Variants in INPP4B observed in about 807,000 individuals in gnomAD.
INPP4B encodes the protein inositol polyphosphate 4-phosphatase type II.
Under a neutral mutation model 122.5 loss-of-function variants are expected in INPP4B, and 55 were observed. The observed-to-expected ratio is 0.45, with a 90% CI of 0.36 to 0.56. The LOEUF (loss-of-function observed/expected upper bound fraction) is 0.56. Ranked by LOEUF, INPP4B falls within the 20% of genes least tolerant of loss-of-function variation. The pLI is 0.00. For synonymous variants in INPP4B, 403 were observed against 388.7 expected (o/e 1.04, Z -0.43); for missense variants, 1,000 against 1,097.7 (o/e 0.91, Z 1.26).
At chr4:142,106,406 GAGT>G (rs2152678542) in intron 23 of INPP4B, among the ~76,000 whole-genome samples, 1 of 152,172 alleles carries the variant, frequency 6.6e-6, no homozygotes, top group Non-Finnish European at 1.5e-5. Flanking sequence ...TCAGCGTCCT[GAGT>G]AGCTGGGATC....
chr4:142,820,837 T>C (rs539563892), intron 1 of INPP4B, among the ~76,000 whole-genome samples: 17 of 152,166 alleles, frequency 1.1e-4, no homozygotes, highest in Non-Finnish European at 1.8e-4. Flanking sequence ...CTTGCTTTTC[T>C]TGTTTGTTTT....
intron 3 of INPP4B, among the ~76,000 whole-genome samples, chr4:142,438,228 A>G (rs1259526156): frequency 6.6e-6 from 1 of 152,222 alleles, no homozygotes; most frequent in Non-Finnish European, 1.5e-5. Flanking sequence ...GAACCAAAAA[A>G]GAGCCTGTAT....
At chr4:142,386,170 C>A (rs982101885) in intron 7 of INPP4B, among the ~76,000 whole-genome samples, 4 of 152,020 alleles carry the variant, frequency 2.6e-5, no homozygotes, top group Non-Finnish European at 5.9e-5. Flanking sequence ...AACATAATGT[C>A]TTCCAGGTTC....
chr4:142,079,357 G>A (rs576842169), intron 25 of INPP4B, among the ~76,000 whole-genome samples: 3 of 151,994 alleles, frequency 2.0e-5, no homozygotes, highest in Non-Finnish European at 2.9e-5. Context: ...TCCAGAGGTG[G>A]TTCTGATGTT....
chr4:142,296,576 C>G (rs1263032497), intron 9 of INPP4B, among the ~76,000 whole-genome samples: 2 of 152,216 alleles, frequency 1.3e-5, no homozygotes, highest in Non-Finnish European at 2.9e-5. Flanking sequence ...AAGAATTTCA[C>G]ATTAGTAACT....
intron 15 of INPP4B, among the ~76,000 whole-genome samples, chr4:142,178,850 A>AAAG (rs1561392385): frequency 6.7e-6 from 1 of 149,408 alleles, no homozygotes; most frequent in Non-Finnish European, 1.5e-5. Context: ...AAAAAAAAAA[A>AAAG]TGTGGTCTCT....
At chr4:142,170,795 C>A (rs536448779) in intron 16 of INPP4B, among the ~76,000 whole-genome samples, 1 of 151,658 alleles carries the variant, frequency 6.6e-6, no homozygotes, top group Non-Finnish European at 1.5e-5. Context: ...TTCCATTTTT[C>A]TACCTTTTCT....
At chr4:142,683,851 TGGGAAA>T (rs921606276) in intron 2 of INPP4B, among the ~76,000 whole-genome samples, 2 of 152,000 alleles carry the variant, frequency 1.3e-5, no homozygotes, top group African/African-American at 4.8e-5. Flanking sequence ...ATTCTGTGCT[TGGGAAA>T]GGGAGAGAAA....
intron 25 of INPP4B, among the ~76,000 whole-genome samples, chr4:142,079,797 A>C (rs1198635944): frequency 1.3e-5 from 2 of 152,020 alleles, no homozygotes; most frequent in Non-Finnish European, 2.9e-5. Flanking sequence ...AAGATACTGC[A>C]TTTGAAACCT....
chr4:142,396,456 G>T (rs1347314001), intron 7 of INPP4B, among the ~76,000 whole-genome samples: 1 of 152,016 alleles, frequency 6.6e-6, no homozygotes, highest in South Asian at 2.1e-4. Context: ...GGAAAAGTTT[G>T]GCAATATCAT....
intron 7 of INPP4B, among the ~76,000 whole-genome samples, chr4:142,326,146 G>T (rs921038911): frequency 2.0e-5 from 3 of 152,166 alleles, no homozygotes; most frequent in Non-Finnish European, 4.4e-5. Context: ...TGAACAGTAG[G>T]CTGGGACACT....
intron 8 of INPP4B, among the ~76,000 whole-genome samples, chr4:142,312,405 C>G (rs1765853890): frequency 6.6e-6 from 1 of 152,122 alleles, no homozygotes; most frequent in African/African-American, 2.4e-5. Flanking sequence ...AAAGCTGAAG[C>G]CAAGAGGGTC....
intron 1 of INPP4B, among the ~76,000 whole-genome samples, chr4:142,784,697 G>A (rs1051093120): frequency 1.3e-5 from 2 of 152,060 alleles, no homozygotes; most frequent in African/African-American, 4.8e-5. Flanking sequence ...AACCCAAACA[G>A]GTCCTCACAG....
chr4:142,630,323 G>T (rs1043322975), intron 2 of INPP4B, among the ~76,000 whole-genome samples: 3 of 152,022 alleles, frequency 2.0e-5, no homozygotes, highest in Admixed American at 6.6e-5. Context: ...GTTACTTACA[G>T]CCAACATAGT....
intron 7 of INPP4B, among the ~76,000 whole-genome samples, chr4:142,386,664 A>G (rs1381773106): frequency 3.9e-5 from 6 of 152,164 alleles, no homozygotes; most frequent in African/African-American, 1.2e-4. Flanking sequence ...CTCACTTCTG[A>G]TATCTGTATG....
At chr4:142,471,337 A>C (rs1818788824) in intron 2 of INPP4B, among the ~76,000 whole-genome samples, 1 of 152,160 alleles carries the variant, frequency 6.6e-6, no homozygotes, top group African/African-American at 2.4e-5. Context: ...GCATACCAGA[A>C]AGTCTAAATG....
rs771702497 is a variant in INPP4B, at chr4:142,075,786, G to A, written c.2642+6245C>T. Among the ~76,000 whole-genome samples the A allele has an allele frequency of 1.7e-4, 26 of 152,002 alleles. No homozygotes were observed. In the Middle Eastern group the frequency reaches 0.02, roughly 119 times the overall value. The stretch of plus-strand genomic sequence containing the variant: ...CAAGAGGGCAATGGAGCATCATCTC[G>A]CCTTCACACGTTAGGAAACTGAGGC... On this transcript the variant is annotated intron_variant, in intron 25 of 25. Transcript: ENST00000262992.
intron 11 of INPP4B, among the ~76,000 whole-genome samples, chr4:142,252,132 T>C (rs1732476259): frequency 6.6e-6 from 1 of 152,160 alleles, no homozygotes; most frequent in South Asian, 2.1e-4. Flanking sequence ...GTCAGAGGAT[T>C]ATCTAAGACA....
chr4:142,427,515 T>G (rs1178676934), intron 5 of INPP4B: 1 of 638,100 alleles, frequency 1.6e-6, no homozygotes, highest in South Asian at 1.9e-5. Context: ...TTACTGAAAT[T>G]TACTTGGCTT....
Sources: gnomAD v4.1 joint callset for allele counts (sites outside exome capture counted in the v4.1 genomes callset) on GRCh38, gnomAD v4.1.1 for gene constraint, MANE v1.5 for transcripts, NCBI Gene and HGNC (gene_info 2026-07-23, HGNC 2026-07-21) for gene names.